The following SAMD3 variants were observed in gnomAD, a reference collection of about 807,000 sequenced individuals.
SAMD3 encodes the protein sterile alpha motif domain-containing protein 3.
A neutral mutation model predicts 58.5 loss-of-function variants in SAMD3; 63 were observed. That is an observed-to-expected ratio of 1.08 (90% CI 0.88 to 1.33). SAMD3 has a LOEUF of 1.33. SAMD3 is among the 40% of genes most tolerant of loss of function. The pLI, the probability that SAMD3 is intolerant of heterozygous loss-of-function variation, is 0.00. For missense variants in SAMD3, 604 were observed against 608.4 expected, an observed-to-expected ratio of 0.99 and a Z score of 0.08; for synonymous variants, 220 against 210.3, an observed-to-expected ratio of 1.05 and a Z score of -0.40.
At chr6:130,329,274 A>G (rs898437572) in intron 1 of SAMD3, among the ~76,000 whole-genome samples, 3 of 152,140 alleles carry the variant, frequency 2.0e-5, no homozygotes, top group East Asian at 1.9e-4. Flanking sequence ...AAAAAAAAAA[A>G]AAAAGCCTGG....
intron 1 of SAMD3, among the ~76,000 whole-genome samples, chr6:130,322,384 G>C (rs1011790498): frequency 4.6e-5 from 7 of 152,226 alleles, no homozygotes. Context: ...TGTAGGACGA[G>C]TAAGAGCAGA....
chr6:130,186,616 G>A (rs527685844), intron 5 of SAMD3, among the ~76,000 whole-genome samples: 8 of 152,116 alleles, frequency 5.3e-5, no homozygotes, highest in African/African-American at 1.9e-4. Flanking sequence ...TCTACTAAAT[G>A]CGAATTACTC....
intron 7 of SAMD3, chr6:130,182,994 C>T (rs1792512472): frequency 5.3e-6 from 1 of 189,268 alleles, no homozygotes; most frequent in South Asian, 9.7e-5. Flanking sequence ...ATCATAAACA[C>T]TCAGTTTTTT....
chr6:130,266,655 C>A (rs890081591), intron 2 of SAMD3, among the ~76,000 whole-genome samples: 4 of 152,176 alleles, frequency 2.6e-5, no homozygotes, highest in Non-Finnish European at 5.9e-5. Context: ...TGGACAGCCC[C>A]CACTGGATTA....
At chr6:130,185,777 C>T (rs12333010) in intron 5 of SAMD3, among the ~76,000 whole-genome samples, 2,495 of 151,814 alleles carry the variant, frequency 0.016, 71 homozygotes, top group African/African-American at 0.057. Context: ...ACTACAGGCA[C>T]GTGCCACCAT....
chr6:130,249,452 A>G (rs1206925343), intron 2 of SAMD3, among the ~76,000 whole-genome samples: 1 of 152,150 alleles, frequency 6.6e-6, no homozygotes, highest in African/African-American at 2.4e-5. Context: ...TGCAGCTATG[A>G]ACATTCTGAG....
intron 8 of SAMD3, chr6:130,162,059 G>A: frequency 4.0e-6 from 2 of 498,630 alleles, no homozygotes; most frequent in South Asian, 3.3e-5. Flanking sequence ...TGAGATGTGT[G>A]ACTTTAGAGG....
chr6:130,178,217 C>G (rs1443918075), intron 7 of SAMD3, among the ~76,000 whole-genome samples: 1 of 150,900 alleles, frequency 6.6e-6, no homozygotes, highest in African/African-American at 2.5e-5. Context: ...CTCAGGTAAT[C>G]TGCGCACCTC....
intron 2 of SAMD3, among the ~76,000 whole-genome samples, chr6:130,292,235 T>C (rs1446390966): frequency 6.6e-6 from 1 of 151,916 alleles, no homozygotes; most frequent in Non-Finnish European, 1.5e-5. Context: ...ACTTAGGTGA[T>C]TCAATTCTCA....
At chr6:130,213,796 G>A (rs1045636507) in intron 4 of SAMD3, among the ~76,000 whole-genome samples, 2 of 152,020 alleles carry the variant, frequency 1.3e-5, no homozygotes, top group African/African-American at 2.4e-5. Context: ...ATTTTTTGGG[G>A]TGTTTCATAG....
At chr6:130,208,130 G>T (rs1252522529) in intron 5 of SAMD3, among the ~76,000 whole-genome samples, 1 of 152,234 alleles carries the variant, frequency 6.6e-6, no homozygotes, top group African/African-American at 2.4e-5. Context: ...TGCCCACCTT[G>T]CAGTACTGCT....
At chr6:130,243,475 C>T (rs1207975089) in intron 2 of SAMD3, among the ~76,000 whole-genome samples, 1 of 152,166 alleles carries the variant, frequency 6.6e-6, no homozygotes, top group Non-Finnish European at 1.5e-5. Context: ...GTACCAGATG[C>T]TGTGTATTCC....
At chr6:130,162,454 T>A (rs910663542) in intron 8 of SAMD3, among the ~76,000 whole-genome samples, 11 of 152,106 alleles carry the variant, frequency 7.2e-5, no homozygotes, top group African/African-American at 2.2e-4. Context: ...TATTCCACAA[T>A]CTGAAAAAGT....
At chr6:130,178,918 T>C (rs1463225966) in intron 7 of SAMD3, among the ~76,000 whole-genome samples, 5 of 152,208 alleles carry the variant, frequency 3.3e-5, no homozygotes, top group Non-Finnish European at 7.4e-5. Context: ...TCACCTCCCA[T>C]AGGCTTGCTT....
At chr6:130,155,102 C>T in intron 8 of SAMD3, 77 bp from the exon 9 acceptor site, 1 of 1,108,480 alleles carries the variant, frequency 9.0e-7, no homozygotes, top group Admixed American at 1.8e-5. Context: ...ATTGCACACT[C>T]TTAACTCATT....
intron 7 of SAMD3, chr6:130,176,296 A>C: frequency 2.9e-6 from 1 of 349,656 alleles, no homozygotes; most frequent in South Asian, 3.4e-5. Context: ...TGGTTCTTGA[A>C]CCTGGATTTT....
chr6:130,176,122 T>A (rs776485490), intron 7 of SAMD3, 114 bp from the exon 8 acceptor site: 1 of 824,008 alleles, frequency 1.2e-6, no homozygotes, highest in South Asian at 1.4e-5. Context: ...GAAATTATTT[T>A]CACATCATGG....
chr6:130,278,107 G>T (rs6900234), intron 2 of SAMD3, among the ~76,000 whole-genome samples: 69,367 of 151,988 alleles, frequency 0.46, 19,707 homozygotes, highest in African/African-American at 0.8. Flanking sequence ...GCTTGAGATA[G>T]TTTGCAGACC....
intron 5 of SAMD3, among the ~76,000 whole-genome samples, chr6:130,199,603 G>C (rs969190058): frequency 9.2e-5 from 14 of 152,128 alleles, no homozygotes; most frequent in African/African-American, 3.1e-4. Context: ...AGTAACCTGG[G>C]AATTACCTTC....
Sources: allele counts gnomAD v4.1 joint callset (sites outside exome capture counted in the v4.1 genomes callset), GRCh38; gene constraint gnomAD v4.1.1; transcripts MANE v1.5; gene names NCBI Gene and HGNC (gene_info 2026-07-23, HGNC 2026-07-21).